The following ATRNL1 variants were observed in gnomAD, a reference collection of about 807,000 sequenced individuals.
ATRNL1 encodes attractin-like protein 1.
A neutral mutation model predicts 182.7 loss-of-function variants in ATRNL1; 95 were observed. The observed-to-expected ratio is 0.52, with a 90% confidence interval of 0.44 to 0.62. The LOEUF (loss-of-function observed/expected upper bound fraction) is 0.62, where lower values mean the gene tolerates loss of function less well. Ranked by LOEUF, ATRNL1 falls within the 20% of genes least tolerant of loss-of-function variation. ATRNL1 has a pLI of 0.00. For missense variants in ATRNL1, 1,471 were observed against 1,679.5 expected (o/e 0.88, Z 2.17); for synonymous variants, 576 against 568.3 (o/e 1.01, Z -0.19).
chr10:115,727,028 A>G lies in ATRNL1; in HGVS notation c.3796-220A>G, dbSNP rs1325867814. ...GGCCTGCAGGATGGAGGTCAGGGGA[A>G]AAGTTATTTGTAGGCACCGTACATT... On this transcript the variant is annotated intron_variant, in intron 26 of 28. Transcript: ENST00000355044. Among the ~76,000 whole-genome samples the G allele has an allele frequency of 1.1e-4, 16 of 152,096 alleles. No homozygotes were observed. In the East Asian group the frequency reaches 3.1e-3, roughly 29 times the overall value.
chr10:115,911,114 C>T (rs981652478), intron 28 of ATRNL1, among the ~76,000 whole-genome samples: 4 of 152,066 alleles, frequency 2.6e-5, no homozygotes, highest in Admixed American at 2.6e-4. Context: ...TAACGATTCT[C>T]ATGGCTCAGC....
chr10:115,274,177 A>G (rs541431029), intron 13 of ATRNL1, among the ~76,000 whole-genome samples: 2 of 152,304 alleles, frequency 1.3e-5, no homozygotes, highest in Admixed American at 6.5e-5. Flanking sequence ...TTCACGTACC[A>G]TTGCACCTGC....
In ATRNL1 at chr10:115,127,615, A is replaced by C. The variant is rs1845029845; in HGVS notation, c.514A>C (p.Arg172=). ...VLSGLIVPEI[R]GNETVPEVVT... ...TAGTGGTTTGATAGTCCCTGAAATA[A>C]GGGGCAATGAAACTGTGCCTGAAGT... Residue 172 remains arginine, a synonymous_variant, in exon 4 of 29, where the codon AGG becomes CGG. Transcript: ENST00000355044. The C allele has an allele frequency of 1.9e-6, 3 of 1,609,224 alleles. No homozygotes were observed. Among genetic ancestry groups the C allele is most frequent in the Non-Finnish European group, 2.5e-6 (3 of 1,177,808 alleles).
chr10:115,324,468 C>T (rs890541404), intron 18 of ATRNL1, among the ~76,000 whole-genome samples: 10 of 152,126 alleles, frequency 6.6e-5, no homozygotes, highest in African/African-American at 2.4e-4. Context: ...GATGTATCTA[C>T]AAGGGCCATT....
chr10:115,899,031 A>G (rs1952279902), intron 28 of ATRNL1, among the ~76,000 whole-genome samples: 2 of 151,360 alleles, frequency 1.3e-5, no homozygotes, highest in Non-Finnish European at 2.9e-5. Flanking sequence ...ACATGTATAC[A>G]TGTGCCATGT....
At chr10:115,463,050 A>G (rs1554970093) in intron 22 of ATRNL1, among the ~76,000 whole-genome samples, 1 of 151,708 alleles carries the variant, frequency 6.6e-6, no homozygotes, top group Admixed American at 6.6e-5. Flanking sequence ...TTATGAATTC[A>G]TCCATATTGT....
chr10:115,408,252 C>T (rs1190556149), intron 20 of ATRNL1, among the ~76,000 whole-genome samples: 1 of 151,958 alleles, frequency 6.6e-6, no homozygotes, highest in Non-Finnish European at 1.5e-5. Context: ...ATCCACCCGC[C>T]TCGGCCTCCC....
intron 26 of ATRNL1, among the ~76,000 whole-genome samples, chr10:115,650,104 C>T (rs901061999): frequency 1.3e-5 from 2 of 152,032 alleles, no homozygotes; most frequent in Non-Finnish European, 2.9e-5. Context: ...CTTGTATCAG[C>T]CAAGTTAGGT....
intron 27 of ATRNL1, among the ~76,000 whole-genome samples, chr10:115,790,636 A>T (rs1555081562): frequency 8.8e-6 from 1 of 113,228 alleles, no homozygotes; most frequent in Non-Finnish European, 1.7e-5. Context: ...AACTTGACTT[A>T]AAAAAAAAAA....
At chr10:115,828,730 A>G (rs961057678) in intron 27 of ATRNL1, among the ~76,000 whole-genome samples, 2 of 152,168 alleles carry the variant, frequency 1.3e-5, no homozygotes, top group African/African-American at 4.8e-5. Context: ...TTGTTTGCAG[A>G]TCTAACCTTC....
At chr10:115,283,890 T>A (rs1852488351) in intron 14 of ATRNL1, among the ~76,000 whole-genome samples, 1 of 152,214 alleles carries the variant, frequency 6.6e-6, no homozygotes, top group African/African-American at 2.4e-5. Context: ...ACCAGGCTAT[T>A]ATTTTGGAAA....
At chr10:115,822,322 A>G (rs1385299026) in intron 27 of ATRNL1, among the ~76,000 whole-genome samples, 1 of 152,216 alleles carries the variant, frequency 6.6e-6, no homozygotes, top group Non-Finnish European at 1.5e-5. Context: ...CCACAGGAGA[A>G]AGCAGGAAAG....
chr10:115,449,733 G>T (rs1847193587), intron 21 of ATRNL1, among the ~76,000 whole-genome samples: 1 of 152,168 alleles, frequency 6.6e-6, no homozygotes, highest in African/African-American at 2.4e-5. Context: ...AAGAGCTGTG[G>T]GCTGAGTAAG....
chr10:115,141,346 G>T (rs1222135644), intron 5 of ATRNL1, among the ~76,000 whole-genome samples: 2 of 152,068 alleles, frequency 1.3e-5, no homozygotes, highest in Admixed American at 1.3e-4. Context: ...ATAAGCAATT[G>T]AATTTGAACA....
At chr10:115,094,392 A>C (rs2084959922) in intron 1 of ATRNL1, among the ~76,000 whole-genome samples, 1 of 152,224 alleles carries the variant, frequency 6.6e-6, no homozygotes, top group Non-Finnish European at 1.5e-5. Context: ...TAATATTTAA[A>C]AATCAGAAAT....
chr10:115,751,496 A>G (rs1379260687), intron 27 of ATRNL1, among the ~76,000 whole-genome samples: 4 of 152,088 alleles, frequency 2.6e-5, no homozygotes, highest in African/African-American at 9.7e-5. Context: ...CAAACTGTAC[A>G]GCCTCTGTGG....
intron 26 of ATRNL1, among the ~76,000 whole-genome samples, chr10:115,595,076 A>C (rs1856153416): frequency 1.3e-5 from 2 of 152,226 alleles, no homozygotes; most frequent in Admixed American, 1.3e-4. Flanking sequence ...CATGTAAATC[A>C]ATAGAAACTT....
chr10:115,440,988 G>T (rs572616841), intron 21 of ATRNL1, among the ~76,000 whole-genome samples: 11 of 151,566 alleles, frequency 7.3e-5, no homozygotes, highest in African/African-American at 2.7e-4. Flanking sequence ...AGATGCGAAT[G>T]TTCCCATTTT....
intron 27 of ATRNL1, among the ~76,000 whole-genome samples, chr10:115,788,979 G>A (rs9332403): frequency 0.48 from 72,636 of 152,136 alleles, 18,604 homozygotes; most frequent in East Asian, 0.76. Flanking sequence ...CTCGAGTGGC[G>A]ATTTTTTATG....
Sources: gnomAD v4.1 joint callset for allele counts (sites outside exome capture counted in the v4.1 genomes callset) on GRCh38, gnomAD v4.1.1 for gene constraint, MANE v1.5 for transcripts, NCBI Gene and HGNC (gene_info 2026-07-23, HGNC 2026-07-21) for gene names.